The following LRP1B variants were observed in gnomAD, a reference collection of about 807,000 sequenced individuals.
LRP1B encodes the protein LDL receptor related protein 1B.
In LRP1B, 217 loss-of-function variants were observed where a neutral mutation model predicts 556.6. The observed-to-expected ratio is 0.39, with a 90% CI of 0.35 to 0.44. The LOEUF (loss-of-function observed/expected upper bound fraction) is 0.44. LRP1B is among the 20% of genes least tolerant of loss of function. The pLI is 1.00. For missense variants in LRP1B, 5,053 were observed against 5,620.8 expected (o/e 0.90, Z 3.23); for synonymous variants, 2,047 against 1,865.8 (o/e 1.10, Z -2.50).
intron 7 of LRP1B, among the ~76,000 whole-genome samples, chr2:141,137,140 T>C (rs902657455): frequency 1.3e-5 from 2 of 152,026 alleles, no homozygotes; most frequent in African/African-American, 4.8e-5. Flanking sequence ...TGGTATGGAA[T>C]ATTTTTCCAT....
At chr2:141,316,581 T>C (rs1364422274) in intron 3 of LRP1B, among the ~76,000 whole-genome samples, 1 of 152,146 alleles carries the variant, frequency 6.6e-6, no homozygotes, top group African/African-American at 2.4e-5. Flanking sequence ...CCAGTTTCTG[T>C]TTTATAAATC....
chr2:141,492,395 G>C (rs1020257203), intron 2 of LRP1B, among the ~76,000 whole-genome samples: 2 of 152,102 alleles, frequency 1.3e-5, no homozygotes, highest in African/African-American at 4.8e-5. Context: ...ATATCTTTCT[G>C]ATTCAGGGAG....
At chr2:141,043,252 AAAT>A (rs869182900) in intron 11 of LRP1B, among the ~76,000 whole-genome samples, 2 of 142,430 alleles carry the variant, frequency 1.4e-5, no homozygotes, top group Admixed American at 7.1e-5. Context: ...ATAAATAAAT[AAAT>A]AAAATAAAAA....
At chr2:141,280,273 C>T (rs1204283041) in intron 3 of LRP1B, among the ~76,000 whole-genome samples, 1 of 152,020 alleles carries the variant, frequency 6.6e-6, no homozygotes, top group Non-Finnish European at 1.5e-5. Flanking sequence ...AGTCCAGCTT[C>T]CATATGACGA....
chr2:140,320,330 A>G (rs1350425987), intron 82 of LRP1B, among the ~76,000 whole-genome samples: 1 of 152,216 alleles, frequency 6.6e-6, no homozygotes, highest in Non-Finnish European at 1.5e-5. Flanking sequence ...ATAAAATGAA[A>G]GTACTACAAT....
chr2:141,179,379 C>T (rs1378706398), intron 7 of LRP1B, among the ~76,000 whole-genome samples: 1 of 151,976 alleles, frequency 6.6e-6, no homozygotes, highest in Non-Finnish European at 1.5e-5. Flanking sequence ...TTATTCCTCA[C>T]TAAGCCAGAT....
chr2:141,022,966 A>G (rs1698108405), intron 11 of LRP1B, among the ~76,000 whole-genome samples: 1 of 151,896 alleles, frequency 6.6e-6, no homozygotes, highest in Admixed American at 6.6e-5. Context: ...ACCCATTTTC[A>G]TGCATCAATA....
intron 83 of LRP1B, among the ~76,000 whole-genome samples, chr2:140,305,157 A>G (rs1160271755): frequency 1.3e-5 from 2 of 152,138 alleles, no homozygotes; most frequent in African/African-American, 4.8e-5. Flanking sequence ...TTGGTTCCAT[A>G]TGAACTTTAA....
intron 3 of LRP1B, among the ~76,000 whole-genome samples, chr2:141,459,946 A>T (rs1192801209): frequency 6.6e-6 from 1 of 152,186 alleles, no homozygotes; most frequent in Non-Finnish European, 1.5e-5. Context: ...GATAGAAGAC[A>T]AGAGAGATGA....
intron 2 of LRP1B, among the ~76,000 whole-genome samples, chr2:141,632,578 T>C (rs1021682769): frequency 6.6e-6 from 1 of 152,198 alleles, no homozygotes; most frequent in African/African-American, 2.4e-5. Flanking sequence ...ATCCTCTGAG[T>C]CTGGTTTAAA....
chr2:141,255,144 A>G (rs1684413500), intron 3 of LRP1B, among the ~76,000 whole-genome samples: 1 of 152,098 alleles, frequency 6.6e-6, no homozygotes, highest in Admixed American at 6.6e-5. Context: ...TATCTGAACT[A>G]TTTGAGAAAA....
At chr2:140,301,599 A>C (rs891187894) in intron 83 of LRP1B, among the ~76,000 whole-genome samples, 3 of 152,138 alleles carry the variant, frequency 2.0e-5, no homozygotes, top group African/African-American at 7.2e-5. Flanking sequence ...TTTTTAATAT[A>C]AAAAATTATG....
intron 3 of LRP1B, among the ~76,000 whole-genome samples, chr2:141,434,535 A>G (rs1356066044): frequency 6.6e-6 from 1 of 152,090 alleles, no homozygotes; most frequent in Non-Finnish European, 1.5e-5. Context: ...TTAAGTCTCC[A>G]AACGTATTTT....
intron 2 of LRP1B, among the ~76,000 whole-genome samples, chr2:141,762,901 T>C (rs1409213335): frequency 2.0e-5 from 3 of 152,226 alleles, no homozygotes; most frequent in East Asian, 1.9e-4. Context: ...TCTCTTTCTA[T>C]ATGAGGTTTG....
chr2:140,331,753 T>C (rs1355852930), intron 79 of LRP1B, among the ~76,000 whole-genome samples: 2 of 151,226 alleles, frequency 1.3e-5, no homozygotes, highest in African/African-American at 4.8e-5. Flanking sequence ...AGGAGTGTAA[T>C]GGTGGGATCT....
At chr2:140,719,151 C>A (rs1341746671) in intron 35 of LRP1B, among the ~76,000 whole-genome samples, 3 of 152,026 alleles carry the variant, frequency 2.0e-5, no homozygotes, top group Non-Finnish European at 4.4e-5. Context: ...GGAATACTTT[C>A]TGGCACATAA....
intron 35 of LRP1B, among the ~76,000 whole-genome samples, chr2:140,754,269 A>T (rs1291420765): frequency 6.6e-6 from 1 of 152,210 alleles, no homozygotes; most frequent in Non-Finnish European, 1.5e-5. Context: ...AACTTGTCCG[A>T]GAAAACTGTG....
intron 1 of LRP1B, among the ~76,000 whole-genome samples, chr2:141,897,195 C>T (rs1699479277): frequency 1.3e-5 from 2 of 151,156 alleles, no homozygotes; most frequent in African/African-American, 2.4e-5. Flanking sequence ...TCTATTCTCA[C>T]CAAAAAAAGA....
In LRP1B at chr2:142,112,791, T is replaced by C. The variant is rs528096566; in HGVS notation, c.82+17857A>G. On this transcript the variant is annotated intron_variant, in intron 1 of 90. Transcript: ENST00000389484. ...ACTCTATAGTAGGTACTCAAATAGATTGAGGCATTGAATATGTATGTACAC... is the reference window on the plus strand; with the variant it reads ...ACTCTATAGTAGGTACTCAAATAGACTGAGGCATTGAATATGTATGTACAC... 1.2e-4 allele frequency among the ~76,000 whole-genome samples: 18 copies of C among 152,240 alleles called. No homozygotes were observed. In the South Asian group the frequency reaches 1.2e-3, roughly 11 times the overall value.
Sources: allele counts gnomAD v4.1 joint callset (sites outside exome capture counted in the v4.1 genomes callset), GRCh38; gene constraint gnomAD v4.1.1; transcripts MANE v1.5; gene names NCBI Gene and HGNC (gene_info 2026-07-23, HGNC 2026-07-21).